TMEM242: variants seen among roughly 807,000 people sequenced by gnomAD.
TMEM242 encodes the protein transmembrane protein 242, also known as UPF0463 transmembrane protein C6orf35.
In TMEM242, 10 loss-of-function variants were observed where a neutral mutation model predicts 18.2. The observed-to-expected ratio is 0.55, with a 90% CI of 0.34 to 0.93. TMEM242 has a LOEUF of 0.93. Among genes scored for constraint, TMEM242 ranks in the 40% least tolerant of loss-of-function variants. The probability of loss-of-function intolerance (pLI) is 0.02; values close to 1 mark genes in which losing one functional copy is unlikely to be tolerated. For missense variants in TMEM242, 186 were observed against 175.5 expected (o/e 1.06, Z -0.34); for synonymous variants, 57 against 69.9 (o/e 0.81, Z 0.92).
At position 157,290,832 on chromosome 6, in the gene TMEM242, A is replaced by C. The variant is rs1477467716; in HGVS notation, c.*2069T>G. 6.6e-6 allele frequency: 1 copy of C among 152,242 alleles called. No individual in the cohort carries two copies. Among genetic ancestry groups the C allele is most frequent in the East Asian group, 1.9e-4 (1 of 5,202 alleles). The allele number at this position is 152,242 out of a possible 1,614,324, so 9.4% of individuals were successfully genotyped here. A position where few individuals can be genotyped will look rare whatever the true frequency, so the allele number is the denominator to read the frequency against. Reference sequence around the variant, plus strand: ...CCAGCCTCCCCTCTGCAGGGGATTCATCATCATTCTAATGGGAGTTCCCCT... The same window carrying C: ...CCAGCCTCCCCTCTGCAGGGGATTCCTCATCATTCTAATGGGAGTTCCCCT... On this transcript the variant is annotated 3_prime_UTR_variant, in exon 4 of 4. Transcript: ENST00000400788.
chr6:157,300,189 C>G lies in TMEM242; in HGVS notation c.328-7190G>C, dbSNP rs587720935. The G allele has an allele frequency of 7.9e-5, 38 of 482,484 alleles. No individual in the cohort carries two copies. In the East Asian group the frequency reaches 1.5e-3, roughly 19 times the overall value. The allele number at this position is 482,484 out of a possible 1,614,324, so 29.9% of individuals were successfully genotyped here. Reference sequence around the variant, plus strand: ...AAAACTGCTGACCAGGACGTCGCAACGCCAAGAGAGCCATTAGCAGCACCT... The same window carrying G: ...AAAACTGCTGACCAGGACGTCGCAAGGCCAAGAGAGCCATTAGCAGCACCT... On this transcript the variant is annotated intron_variant, in intron 3 of 3. Transcript: ENST00000400788.
chr6:157,299,600 G>A, intron 3 of TMEM242: 1 of 1,591,544 alleles, frequency 6.3e-7, no homozygotes. Flanking sequence ...CACTGGATTG[G>A]AAACAATAAT....
chr6:157,295,870 T>C (rs1357015425), intron 3 of TMEM242, among the ~76,000 whole-genome samples: 2 of 152,120 alleles, frequency 1.3e-5, no homozygotes, highest in African/African-American at 4.8e-5. Flanking sequence ...CGCAGACATT[T>C]AAGATATAAA....
intron 2 of TMEM242, among the ~76,000 whole-genome samples, chr6:157,319,182 T>C (rs1371587647): frequency 2.6e-5 from 4 of 152,222 alleles, no homozygotes; most frequent in African/African-American, 7.2e-5. Context: ...CCCCCATTCA[T>C]TGGCATTTTC....
chr6:157,293,826 G>A (rs1049854181), intron 3 of TMEM242, among the ~76,000 whole-genome samples: 17 of 151,866 alleles, frequency 1.1e-4, no homozygotes, highest in African/African-American at 1.7e-4. Context: ...TCAACCTCCC[G>A]GGCTCAAGTG....
intron 2 of TMEM242, among the ~76,000 whole-genome samples, chr6:157,321,164 C>T (rs1361399148): frequency 6.6e-6 from 1 of 151,864 alleles, no homozygotes; most frequent in Non-Finnish European, 1.5e-5. Flanking sequence ...ACCCGCCACC[C>T]GCCCAGTTAA....
intron 3 of TMEM242, among the ~76,000 whole-genome samples, chr6:157,313,855 G>C (rs797035709): frequency 1.4e-5 from 1 of 70,320 alleles, no homozygotes; most frequent in South Asian, 5.2e-4. Flanking sequence ...CAGTGCCCCA[G>C]TGTGCACTCC....
rs946107029 is a variant in TMEM242, at chr6:157,313,632, G to A, written c.327+5150C>T. Among the ~76,000 whole-genome samples, 37 of 149,782 alleles carry A rather than the reference G, an allele frequency of 2.5e-4. 1 individual carries two copies. The highest frequency in any genetic ancestry group is 7.4e-4 in the African/African-American group (30 of 40,450). On this transcript the variant is annotated intron_variant, in intron 3 of 3. Transcript: ENST00000400788. Reference sequence around the variant, plus strand: ...TAGTGCCCCAGTGTGCTCTCACCTAGCCACATCACAGTGTCCCAGTGTGCA... The same window carrying A: ...TAGTGCCCCAGTGTGCTCTCACCTAACCACATCACAGTGTCCCAGTGTGCA...
chr6:157,297,274 T>G (rs1777763392), intron 3 of TMEM242, among the ~76,000 whole-genome samples: 1 of 152,232 alleles, frequency 6.6e-6, no homozygotes, highest in African/African-American at 2.4e-5. Context: ...TGCTTGAATA[T>G]GCACAGGGGA....
chr6:157,323,459 C>G lies in TMEM242; in HGVS notation c.41G>C (p.Gly14Ala), dbSNP rs782791293. Residue 14 changes from glycine (G) to alanine (A), a missense_variant, in exon 1 of 4, where the codon GGG (glycine) becomes GCG (alanine). Coordinates refer to ENST00000400788, the MANE Select transcript of TMEM242 (RefSeq NM_018452.6). ...AGAATGQPAS[G>A]LEAPGSTNDR... is the part of the protein sequence containing the mutation. ...ATTCGTGGACCCCGGAGCCTCCAGC[C>G]CAGAGGCCGGCTGCCCAGTTGCAGC... The G allele has an allele frequency of 4.3e-6, 7 of 1,614,080 alleles. No individual in the cohort carries two copies. The South Asian group carries it at 6.6e-5, about 15-fold the overall frequency.
chr6:157,309,951 C>A (rs1234806337), intron 3 of TMEM242, among the ~76,000 whole-genome samples: 1 of 152,150 alleles, frequency 6.6e-6, no homozygotes, highest in Non-Finnish European at 1.5e-5. Context: ...TAGCAATGTT[C>A]ATTCTGCCAG....
chr6:157,311,135 TGTCCCAGTGTGCACTCACCTA>T (rs1778052482), intron 3 of TMEM242, among the ~76,000 whole-genome samples: 1 of 149,302 alleles, frequency 6.7e-6, no homozygotes. Flanking sequence ...CCCATCATAG[TGTCCCAGTGTGCACTCACCTA>T]GCCCCATCAT....
At chr6:157,314,371 C>T (rs1480926489) in intron 3 of TMEM242, among the ~76,000 whole-genome samples, 4 of 67,584 alleles carry the variant, frequency 5.9e-5, no homozygotes, top group African/African-American at 1.1e-4. Context: ...AGCATGCATT[C>T]CCATGATCAT....
At chr6:157,321,251 G>T (rs782533670) in intron 2 of TMEM242, among the ~76,000 whole-genome samples, 1 of 151,872 alleles carries the variant, frequency 6.6e-6, no homozygotes, top group Non-Finnish European at 1.5e-5. Flanking sequence ...CTCATGATCC[G>T]CCCGCCTTGG....
intron 1 of TMEM242, among the ~76,000 whole-genome samples, 168 bp from the exon 2 acceptor site, chr6:157,322,973 C>T (rs368783990): frequency 1.3e-5 from 2 of 152,290 alleles, no homozygotes; most frequent in Middle Eastern, 3.4e-3. Flanking sequence ...TAAATGACAG[C>T]GGCTGAGAAA....
intron 3 of TMEM242, among the ~76,000 whole-genome samples, chr6:157,303,823 C>T (rs1554247692): frequency 8.6e-6 from 1 of 116,828 alleles, no homozygotes. Context: ...CAGTAATTCT[C>T]ATGGTGGCGG....
chr6:157,319,939 G>A (rs1448181585), intron 2 of TMEM242, among the ~76,000 whole-genome samples: 2 of 152,168 alleles, frequency 1.3e-5, no homozygotes, highest in East Asian at 1.9e-4. Flanking sequence ...AGGGTGTGAG[G>A]AGAGTTCAAT....
rs1468784573 is a variant in TMEM242, at chr6:157,305,577, G to T, written c.328-12578C>A. Among the ~76,000 whole-genome samples the T allele has an allele frequency of 1.3e-5, 2 of 152,140 alleles. No homozygotes were observed. The highest frequency in any genetic ancestry group is 4.1e-4 in the South Asian group (2 of 4,824). ...AGTACTGTTTGTTTTAAAGTGGCAGGGACTGGACGAAAGAGCCAAGGGGCG... is the reference window on the plus strand; with the variant it reads ...AGTACTGTTTGTTTTAAAGTGGCAGTGACTGGACGAAAGAGCCAAGGGGCG... On this transcript the variant is annotated intron_variant, in intron 3 of 3. Coordinates refer to ENST00000400788, the MANE Select transcript of TMEM242 (RefSeq NM_018452.6). This position sits in a 1 kb window ranked among gnomAD's most constrained non-coding sequence, Gnocchi z 4.1.
In TMEM242 at chr6:157,319,710, T is replaced by A. The variant is rs188121145; in HGVS notation, c.190-791A>T. On this transcript the variant is annotated intron_variant, in intron 2 of 3. Transcript: ENST00000400788. ...TCCCCAACTGAAAAGTTTATCATTT[T>A]AATGTCCTCTGGGGTTGCAATTTGA... Among the ~76,000 whole-genome samples, 3 of 152,344 alleles carry A rather than the reference T, an allele frequency of 2.0e-5. No individual in the cohort carries two copies. The East Asian group carries it at 5.8e-4, about 29-fold the overall frequency.
Sources: gnomAD v4.1 joint callset for allele counts (sites outside exome capture counted in the v4.1 genomes callset) on GRCh38, gnomAD v4.1.1 for gene constraint, Gnocchi (gnomAD v3.1) non-coding constraint, MANE v1.5 for transcripts, NCBI Gene and HGNC (gene_info 2026-07-23, HGNC 2026-07-21) for gene names.